The following TLK1 variants were observed in gnomAD, a reference collection of about 807,000 sequenced individuals.
The protein encoded by TLK1 is serine/threonine-protein kinase tousled-like 1.
In TLK1, 24 loss-of-function variants were observed where a neutral mutation model predicts 105.3. The observed-to-expected ratio is 0.23, with a 90% confidence interval of 0.17 to 0.32. The LOEUF (loss-of-function observed/expected upper bound fraction) is 0.32. Among genes scored for constraint, TLK1 ranks in the 10% least tolerant of loss-of-function variants. The pLI, the probability that TLK1 is intolerant of heterozygous loss-of-function variation, is 1.00. For synonymous variants in TLK1, 321 were observed against 310.4 expected, an observed-to-expected ratio of 1.03 and a Z score of -0.36; for missense variants, 558 against 910.5, an observed-to-expected ratio of 0.61 and a Z score of 4.98.
At chr2:171,203,887 T>TA (rs530170608) in intron 1 of TLK1, among the ~76,000 whole-genome samples, 420 of 151,960 alleles carry the variant, frequency 2.8e-3, no homozygotes, top group South Asian at 5.2e-3. Flanking sequence ...CTATCTCTAC[T>TA]AAAAAAATAC....
At chr2:171,156,215 A>G (rs771095089) in intron 1 of TLK1, among the ~76,000 whole-genome samples, 23 of 152,222 alleles carry the variant, frequency 1.5e-4, no homozygotes, top group Non-Finnish European at 2.5e-4. Flanking sequence ...CCAAAACATC[A>G]TAACAGACTG....
chr2:171,183,627 A>C (rs1692968337), intron 1 of TLK1, among the ~76,000 whole-genome samples: 1 of 152,080 alleles, frequency 6.6e-6, no homozygotes, highest in Non-Finnish European at 1.5e-5. Flanking sequence ...TTAACTTTGT[A>C]ACTTTTTGCT....
chr2:171,129,574 T>A (rs1297606241), intron 1 of TLK1, among the ~76,000 whole-genome samples: 3 of 152,116 alleles, frequency 2.0e-5, no homozygotes, highest in Admixed American at 6.6e-5. Flanking sequence ...GAGTGGTGTC[T>A]CACATCTGTA....
rs147806356 is a variant in TLK1, at chr2:171,160,729, C to A, written c.-301G>T. ...GGCGGAGGCGTCGAGGGGGTGCCAG[C>A]CGGGCCGGGGTCGGAGCGCGGGCGG... On this transcript the variant is annotated 5_prime_UTR_variant, in exon 1 of 21. Coordinates refer to ENST00000431350, the MANE Select transcript of TLK1 (RefSeq NM_012290.5). The surrounding 1 kb of genome is among the most constrained non-coding windows in gnomAD (Gnocchi z 4.4). 4 of 451,444 alleles carry A rather than the reference C, an allele frequency of 8.9e-6. No homozygotes were observed. The highest frequency in any genetic ancestry group is 3.6e-5 in the East Asian group (1 of 28,120). The allele number at this position is 451,444 out of a possible 1,614,324, so 28.0% of individuals were successfully genotyped here. A position where few individuals can be genotyped will look rare whatever the true frequency, so the allele number is the denominator to read the frequency against.
intron 1 of TLK1, among the ~76,000 whole-genome samples, chr2:171,177,043 G>A (rs970435799): frequency 7.9e-5 from 12 of 152,126 alleles, no homozygotes; most frequent in Admixed American, 6.6e-4. Flanking sequence ...ATGTTGGCCA[G>A]GCTGGTCTTG....
At chr2:171,124,059 C>G (rs1690771338) in intron 1 of TLK1, among the ~76,000 whole-genome samples, 1 of 152,124 alleles carries the variant, frequency 6.6e-6, no homozygotes, top group South Asian at 2.1e-4. Flanking sequence ...GAAAGTTTCT[C>G]CACTACAAAA....
At chr2:171,057,403 T>C (rs955608795) in intron 5 of TLK1, among the ~76,000 whole-genome samples, 1 of 152,034 alleles carries the variant, frequency 6.6e-6, no homozygotes, top group Admixed American at 6.6e-5. Flanking sequence ...TAGCACATAG[T>C]AGGCATTCAA....
At chr2:171,049,106 G>A (rs1212596694) in intron 10 of TLK1, among the ~76,000 whole-genome samples, 2 of 152,124 alleles carry the variant, frequency 1.3e-5, no homozygotes, top group Non-Finnish European at 2.9e-5. Flanking sequence ...AGATGAGAAT[G>A]ATAGAAACTG....
intron 11 of TLK1, among the ~76,000 whole-genome samples, chr2:171,039,886 C>T (rs1342549433): frequency 6.6e-6 from 1 of 151,806 alleles, no homozygotes; most frequent in Non-Finnish European, 1.5e-5. Context: ...TTTTCCTTTA[C>T]AAAGGAAAAT....
chr2:171,207,581 G>C (rs1693529239), intron 1 of TLK1, among the ~76,000 whole-genome samples: 1 of 152,142 alleles, frequency 6.6e-6, no homozygotes, highest in Non-Finnish European at 1.5e-5. Context: ...CTGTGGTGTG[G>C]GATGTTGACA....
At chr2:171,215,430 T>C (rs554682251) in intron 1 of TLK1, among the ~76,000 whole-genome samples, 1 of 140,364 alleles carries the variant, frequency 7.1e-6, no homozygotes. Flanking sequence ...TCTGAGGGAA[T>C]CAAGTCTGCA....
At chr2:171,168,704 T>C (rs1435026709) in intron 1 of TLK1, among the ~76,000 whole-genome samples, 1 of 152,192 alleles carries the variant, frequency 6.6e-6, no homozygotes, top group African/African-American at 2.4e-5. Context: ...GGAGATAAGA[T>C]GATGCTAAGT....
chr2:171,004,707 T>C (rs1201568584), intron 18 of TLK1, among the ~76,000 whole-genome samples: 2 of 152,188 alleles, frequency 1.3e-5, no homozygotes, highest in African/African-American at 2.4e-5. Context: ...CTATCTTCCA[T>C]GGAATCTAAG....
chr2:170,994,854 G>GC (rs1559329475), intron 20 of TLK1: 2 of 348,914 alleles, frequency 5.7e-6, no homozygotes, highest in African/African-American at 4.4e-5. Flanking sequence ...ATCCTTTTTT[G>GC]GGGGGGGAGG....
At chr2:171,144,463 A>G (rs1691713567) in intron 1 of TLK1, among the ~76,000 whole-genome samples, 1 of 152,232 alleles carries the variant, frequency 6.6e-6, no homozygotes, top group Admixed American at 6.5e-5. Context: ...GATAAAAAGG[A>G]TACAAAGTAC....
At chr2:171,219,373 C>T (rs751601120) in intron 1 of TLK1, among the ~76,000 whole-genome samples, 1 of 152,154 alleles carries the variant, frequency 6.6e-6, no homozygotes, top group African/African-American at 2.4e-5. Flanking sequence ...GAGTCTCCCT[C>T]TGTCTCTCTC....
chr2:171,037,963 T>C (rs1161125605), intron 11 of TLK1, among the ~76,000 whole-genome samples: 1 of 152,202 alleles, frequency 6.6e-6, no homozygotes, highest in East Asian at 1.9e-4. Context: ...ATAGAATTCT[T>C]AGATGCGGTT....
chr2:171,011,358 T>C lies in TLK1; in HGVS notation c.1416+15A>G, dbSNP rs774221226. On this transcript the variant is annotated intron_variant, in intron 14 of 20. Coordinates refer to ENST00000431350, the MANE Select transcript of TLK1 (RefSeq NM_012290.5). ...CTACATTAGTGTAAAAAAAACAGAA[T>C]AAAACATACATTACCTTATACACTT... 4 of 1,590,974 alleles carry C rather than the reference T, an allele frequency of 2.5e-6. No individual in the cohort carries two copies. In the East Asian group the frequency reaches 6.7e-5, roughly 27 times the overall value.
chr2:171,210,653 C>T (rs1693596278), intron 1 of TLK1, among the ~76,000 whole-genome samples: 2 of 152,204 alleles, frequency 1.3e-5, no homozygotes, highest in Admixed American at 1.3e-4. Flanking sequence ...AACACCCAGT[C>T]TTAATGTTCA....
Sources: allele counts gnomAD v4.1 joint callset (sites outside exome capture counted in the v4.1 genomes callset), GRCh38; gene constraint gnomAD v4.1.1; non-coding constraint Gnocchi (gnomAD v3.1); transcripts MANE v1.5; gene names NCBI Gene and HGNC (gene_info 2026-07-23, HGNC 2026-07-21).